ZHX2: variants seen among roughly 807,000 people sequenced by gnomAD.
The protein encoded by ZHX2 is zinc fingers and homeoboxes protein 2.
ZHX2 carries 6 observed loss-of-function variants against 21.9 expected under a neutral mutation model. That is an observed-to-expected ratio of 0.27 (90% CI 0.15 to 0.54). The LOEUF (loss-of-function observed/expected upper bound fraction) is 0.54, where lower values mean the gene tolerates loss of function less well. Ranked by LOEUF, ZHX2 falls within the 20% of genes least tolerant of loss-of-function variation. The pLI, the probability that ZHX2 is intolerant of heterozygous loss-of-function variation, is 0.95. For missense variants in ZHX2, 908 were observed against 1,090.7 expected, an observed-to-expected ratio of 0.83 and a Z score of 2.36; for synonymous variants, 434 against 437.1, an observed-to-expected ratio of 0.99 and a Z score of 0.09.
At chr8:122,884,389 T>A (rs1460682399) in intron 2 of ZHX2, among the ~76,000 whole-genome samples, 5 of 152,246 alleles carry the variant, frequency 3.3e-5, no homozygotes, top group African/African-American at 1.2e-4. Context: ...TTCTAATTTG[T>A]CAGTCACATT....
At chr8:122,869,936 A>C (rs1313460223) in intron 2 of ZHX2, among the ~76,000 whole-genome samples, 1 of 152,210 alleles carries the variant, frequency 6.6e-6, no homozygotes, top group African/African-American at 2.4e-5. Flanking sequence ...GTTAGTAAAA[A>C]CAAAATTAAT....
At chr8:122,855,599 G>A (rs1288861282) in intron 1 of ZHX2, among the ~76,000 whole-genome samples, 1 of 152,108 alleles carries the variant, frequency 6.6e-6, no homozygotes, top group African/African-American at 2.4e-5. Flanking sequence ...GTGTTAGGGA[G>A]AGAGAGTTTT....
chr8:122,961,328 C>G (rs1813437119), intron 3 of ZHX2, among the ~76,000 whole-genome samples: 1 of 152,188 alleles, frequency 6.6e-6, no homozygotes, highest in Non-Finnish European at 1.5e-5. Context: ...CTTAAAGGCA[C>G]TATCTCCAAA....
chr8:122,953,831 G>T lies in ZHX2; in HGVS notation c.2321G>T (p.Gly774Val). ...PSEATSDRSE[G>V]SSRDGQGSDE... ...GAGGCCACCTCAGACCGGTCAGAGG[G>T]CAGCAGCCGGGACGGCCAGGGTAGC... The change falls in exon 3 of 4, where the codon GGC (glycine) becomes GTC (valine). Residue 774 changes from glycine to valine, a missense_variant. This residue lies in a region of ZHX2 where 431 missense variants were observed against 428.6 expected (regional missense o/e 1.01). Transcript: ENST00000314393. The surrounding 1 kb of genome is among the most constrained non-coding windows in gnomAD (Gnocchi z 4.6). 1 of 1,614,246 alleles carries T rather than the reference G, an allele frequency of 6.2e-7. No individual in the cohort carries two copies. Among genetic ancestry groups the T allele is most frequent in the Non-Finnish European group, 8.5e-7 (1 of 1,180,044 alleles).
chr8:122,938,873 G>C (rs1157006675), intron 2 of ZHX2, among the ~76,000 whole-genome samples: 1 of 152,066 alleles, frequency 6.6e-6, no homozygotes, highest in Admixed American at 6.6e-5. Flanking sequence ...GAAGAATCGA[G>C]ATCAAGAAGC....
chr8:122,847,775 C>T (rs115486083), intron 1 of ZHX2, among the ~76,000 whole-genome samples: 2,156 of 152,320 alleles, frequency 0.014, 63 homozygotes, highest in African/African-American at 0.05. Context: ...CACCAGCACC[C>T]AGCACCACAC....
chr8:122,824,321 C>T (rs1818216283), intron 1 of ZHX2, among the ~76,000 whole-genome samples: 1 of 152,220 alleles, frequency 6.6e-6, no homozygotes, highest in African/African-American at 2.4e-5. Flanking sequence ...AGGACAGAGC[C>T]TGTCCCATGC....
intron 1 of ZHX2, among the ~76,000 whole-genome samples, chr8:122,814,911 C>G (rs1818000982): frequency 6.6e-6 from 1 of 152,092 alleles, no homozygotes; most frequent in Admixed American, 6.5e-5. Context: ...CATCCTAGGT[C>G]TGGGAAAATT....
intron 2 of ZHX2, among the ~76,000 whole-genome samples, chr8:122,876,484 C>T (rs1239064318): frequency 1.3e-5 from 2 of 152,182 alleles, no homozygotes; most frequent in African/African-American, 4.8e-5. Flanking sequence ...TCCGCCAGGA[C>T]ATTTTTGCAT....
chr8:122,891,250 C>A (rs1819969021), intron 2 of ZHX2, among the ~76,000 whole-genome samples: 1 of 136,848 alleles, frequency 7.3e-6, no homozygotes, highest in African/African-American at 2.8e-5. Context: ...TCTATTTCTT[C>A]CTGGTTCAAT....
rs556857719 is a variant in ZHX2 at position 122,892,852 on chromosome 8, T to A, written c.-220+29313T>A. On this transcript the variant is annotated intron_variant, in intron 2 of 3. Coordinates refer to ENST00000314393, the MANE Select transcript of ZHX2 (RefSeq NM_014943.5). ...GGTGTACACCACCACATTTGGCTAA[T>A]TTTTTGTATTTTTAGTAGAGATGGG... is the stretch of plus-strand genomic sequence containing the variant. Among the ~76,000 whole-genome samples, 153 of 152,160 alleles carry A rather than the reference T, an allele frequency of 1.0e-3. 2 individuals carry two copies. In the South Asian group the frequency reaches 0.031, roughly 31 times the overall value.
chr8:122,919,000 C>T (rs1234365206), intron 2 of ZHX2, among the ~76,000 whole-genome samples: 3 of 151,950 alleles, frequency 2.0e-5, no homozygotes, highest in Non-Finnish European at 4.4e-5. Context: ...CCATAGTTTG[C>T]CAACCCCTGT....
chr8:122,858,362 G>C (rs1186863406), intron 1 of ZHX2, among the ~76,000 whole-genome samples: 1 of 152,218 alleles, frequency 6.6e-6, no homozygotes, highest in Non-Finnish European at 1.5e-5. Context: ...CTCGGGGAGG[G>C]CATTTCTCTT....
intron 2 of ZHX2, among the ~76,000 whole-genome samples, chr8:122,911,252 G>A (rs1164769689): frequency 6.6e-6 from 1 of 151,682 alleles, no homozygotes; most frequent in Non-Finnish European, 1.5e-5. Flanking sequence ...GGTGGTTCCC[G>A]GGGGTGGAAG....
At chr8:122,852,122 C>T (rs558752334) in intron 1 of ZHX2, among the ~76,000 whole-genome samples, 26 of 152,050 alleles carry the variant, frequency 1.7e-4, no homozygotes, top group Non-Finnish European at 3.2e-4. Context: ...TTTGATGGCC[C>T]GGAATGCTCT....
At chr8:122,870,154 G>A (rs189923743) in intron 2 of ZHX2, among the ~76,000 whole-genome samples, 3 of 152,286 alleles carry the variant, frequency 2.0e-5, no homozygotes, top group Non-Finnish European at 1.5e-5. Flanking sequence ...GGAGTCTGAG[G>A]TTGCTGGAGC....
intron 1 of ZHX2, among the ~76,000 whole-genome samples, chr8:122,791,225 C>A (rs371785861): frequency 1.3e-5 from 2 of 152,334 alleles, no homozygotes; most frequent in East Asian, 3.9e-4. Context: ...TTGGATGCTC[C>A]AAATATCCTC....
At chr8:122,937,356 C>A (rs1812723777) in intron 2 of ZHX2, among the ~76,000 whole-genome samples, 1 of 152,152 alleles carries the variant, frequency 6.6e-6, no homozygotes. Flanking sequence ...GAATAAGGAA[C>A]ATTACAGAAA....
chr8:122,908,536 G>A (rs947850127), intron 2 of ZHX2, among the ~76,000 whole-genome samples: 2 of 152,058 alleles, frequency 1.3e-5, no homozygotes, highest in East Asian at 1.9e-4. Context: ...CATGGACCAC[G>A]GTGGTGGTTG....
Sources: gnomAD v4.1 joint callset for allele counts (sites outside exome capture counted in the v4.1 genomes callset) on GRCh38, gnomAD v4.1.1 for gene constraint, gnomAD v4.1.1 regional missense constraint, Gnocchi (gnomAD v3.1) non-coding constraint, MANE v1.5 for transcripts, NCBI Gene and HGNC (gene_info 2026-07-23, HGNC 2026-07-21) for gene names.